The following EBF3 variants were observed in gnomAD, a reference collection of about 807,000 sequenced individuals.
The protein encoded by EBF3 is EBF transcription factor 3.
EBF3 carries 18 observed loss-of-function variants against 77.1 expected under a neutral mutation model. The observed-to-expected ratio is 0.23, with a 90% CI of 0.16 to 0.35. The LOEUF (loss-of-function observed/expected upper bound fraction) is 0.35, where lower values mean the gene tolerates loss of function less well. EBF3 is among the 10% of genes least tolerant of loss of function. The pLI is 1.00. For missense variants in EBF3, 558 were observed against 860.0 expected (o/e 0.65, Z 4.39); for synonymous variants, 350 against 343.5 (o/e 1.02, Z -0.21).
chr10:129,929,936 G>T (rs4751150), intron 6 of EBF3, among the ~76,000 whole-genome samples: 123,106 of 152,178 alleles, frequency 0.81, 50,253 homozygotes, highest in East Asian at 0.96. Flanking sequence ...GGTGTGAGTC[G>T]GAGCACACTG....
At chr10:129,838,995 C>G (rs1346149322) in intron 16 of EBF3, 88 bp downstream of exon 16, 19 of 1,215,196 alleles carry the variant, frequency 1.6e-5, no homozygotes, top group East Asian at 1.1e-4. Flanking sequence ...TGATGGCACG[C>G]AGGCCAGTCG....
At chr10:129,867,400 C>T in intron 9 of EBF3, 133 bp from the exon 10 acceptor site, 1 of 1,386,644 alleles carries the variant, frequency 7.2e-7, no homozygotes. Flanking sequence ...CTAGCTGTCA[C>T]CCAGAGTCCC....
chr10:129,958,754 G>C (rs1437286436), intron 5 of EBF3, among the ~76,000 whole-genome samples, 180 bp downstream of exon 5: 1 of 152,184 alleles, frequency 6.6e-6, no homozygotes, highest in Non-Finnish European at 1.5e-5. Context: ...GATCGTCAGC[G>C]CTGGGGGGAA....
chr10:129,936,465 T>C (rs142369344), intron 6 of EBF3, among the ~76,000 whole-genome samples: 2,330 of 152,302 alleles, frequency 0.015, 28 homozygotes, highest in Middle Eastern at 0.048. Flanking sequence ...GAAGTAGGGC[T>C]GGCCTGTCAG....
Position 129,843,214 on chromosome 10 carries a change from G to C in EBF3, c.1129-12C>G. 1 of 1,606,896 alleles carries C rather than the reference G, an allele frequency of 6.2e-7. No homozygotes were observed. On this transcript the variant is annotated splice_polypyrimidine_tract_variant and intron_variant, in intron 11 of 16. Coordinates refer to ENST00000440978, the MANE Select transcript of EBF3 (RefSeq NM_001375380.1). ...TTCAGTAACACCTCCTAAAGGAAGA[G>C]CAGACAGGAGGTGATTCATGGGAGG...
intron 6 of EBF3, among the ~76,000 whole-genome samples, chr10:129,922,705 C>T (rs756493965): frequency 6.6e-6 from 1 of 152,262 alleles, no homozygotes; most frequent in Admixed American, 6.5e-5. Flanking sequence ...GCAAACGAAC[C>T]CCTGCGTCAC....
At chr10:129,877,877 T>C in intron 6 of EBF3, 28 bp from the exon 7 acceptor site, 1 of 1,566,596 alleles carries the variant, frequency 6.4e-7, no homozygotes, top group East Asian at 2.3e-5. Context: ...AGATGATATT[T>C]ATTAGGGTTA....
At chr10:129,886,230 G>A (rs1266227833) in intron 6 of EBF3, among the ~76,000 whole-genome samples, 2 of 152,194 alleles carry the variant, frequency 1.3e-5, no homozygotes, top group East Asian at 3.9e-4. Flanking sequence ...GAGGACACCA[G>A]TGTTGGACCT....
At chr10:129,880,441 GCATACA>G (rs1853122636) in intron 6 of EBF3, among the ~76,000 whole-genome samples, 1 of 151,298 alleles carries the variant, frequency 6.6e-6, no homozygotes, top group Non-Finnish European at 1.5e-5. Flanking sequence ...ACACACACGC[GCATACA>G]CATACACATG....
intron 10 of EBF3, among the ~76,000 whole-genome samples, chr10:129,857,622 G>A (rs1851343749): frequency 1.3e-5 from 2 of 152,110 alleles, no homozygotes; most frequent in South Asian, 2.1e-4. Flanking sequence ...CTTCATTCCC[G>A]CAAGACCTCA....
In EBF3 at chr10:129,836,876, G is replaced by A. The variant is rs1849641772; in HGVS notation, c.*1067C>T. The stretch of plus-strand genomic sequence containing the variant: ...ATAAAGTCCCTTAGCAACTGCAAGT[G>A]TTCATGGGAAAGTAAGTGTCAAATG... On this transcript the variant is annotated 3_prime_UTR_variant, in exon 17 of 17. Transcript: ENST00000440978. The A allele has an allele frequency of 6.6e-6, 1 of 152,622 alleles. No homozygotes were observed. Among genetic ancestry groups the A allele is most frequent in the Non-Finnish European group, 1.5e-5 (1 of 68,026 alleles). 9.5% of individuals were successfully genotyped at this position (152,622 alleles called of 1,614,324 possible).
intron 6 of EBF3, among the ~76,000 whole-genome samples, chr10:129,933,626 C>T (rs1047267410): frequency 2.0e-5 from 3 of 152,208 alleles, no homozygotes; most frequent in Non-Finnish European, 2.9e-5. Context: ...GGCGGGTGCC[C>T]GTGCAAGAGG....
chr10:129,908,527 G>C (rs566333993), intron 6 of EBF3, among the ~76,000 whole-genome samples: 3 of 152,366 alleles, frequency 2.0e-5, no homozygotes, highest in African/African-American at 7.2e-5. Context: ...ACACGGGCTA[G>C]AGGAGACGGG....
At position 129,875,044 on chromosome 10, in the gene EBF3, C is replaced by T. The variant is rs568389768; in HGVS notation, c.637-1448G>A. Reference sequence around the variant, plus strand: ...AAATAATTAAACTAGTTACCTAATACAAAATGAATACAATTCATTGTATTC... The same window carrying T: ...AAATAATTAAACTAGTTACCTAATATAAAATGAATACAATTCATTGTATTC... On this transcript the variant is annotated intron_variant, in intron 7 of 16. Transcript: ENST00000440978. 4.6e-5 allele frequency among the ~76,000 whole-genome samples: 7 copies of T among 152,066 alleles called. No homozygotes were observed. In the South Asian group the frequency reaches 1.5e-3, roughly 32 times the overall value.
chr10:129,962,810 T>C (rs1486928443), intron 3 of EBF3, 132 bp downstream of exon 3: 4 of 1,050,542 alleles, frequency 3.8e-6, no homozygotes, highest in Non-Finnish European at 5.6e-6. Context: ...TGTTTTGTTT[T>C]CCTTCTATGC....
intron 11 of EBF3, among the ~76,000 whole-genome samples, chr10:129,845,128 C>G (rs1410854953): frequency 6.6e-6 from 1 of 152,128 alleles, no homozygotes; most frequent in African/African-American, 2.4e-5. Context: ...ACTAATGAAC[C>G]CGACTTTCTG....
intron 3 of EBF3, 110 bp from the exon 4 acceptor site, chr10:129,962,336 G>A (rs1441379698): frequency 6.3e-5 from 59 of 933,878 alleles, no homozygotes; most frequent in Non-Finnish European, 1.0e-4. Flanking sequence ...CGGTGATGCA[G>A]CAGAACTTAG....
Position 129,964,109 on chromosome 10 carries a change from T to A in EBF3, c.-341A>T, listed in dbSNP as rs1859751090. The A allele has an allele frequency of 1.0e-6, 1 of 985,062 alleles. No homozygotes were observed. The highest frequency in any genetic ancestry group is 4.7e-5 in the South Asian group (1 of 21,280). 61.0% of individuals were successfully genotyped at this position (985,062 alleles called of 1,614,324 possible). Reference sequence around the variant, plus strand: ...GGCGGCGTCCGCGGCTGCAGGACACTGCGGGATCGCCCGCTTCTGGCGCGG... The same window carrying A: ...GGCGGCGTCCGCGGCTGCAGGACACAGCGGGATCGCCCGCTTCTGGCGCGG... On this transcript the variant is annotated 5_prime_UTR_variant, in exon 1 of 17. Transcript: ENST00000440978. The surrounding 1 kb of genome is among the most constrained non-coding windows in gnomAD (Gnocchi z 4.5).
At chr10:129,877,317 C>T (rs1482863045) in intron 7 of EBF3, among the ~76,000 whole-genome samples, 4 of 151,812 alleles carry the variant, frequency 2.6e-5, no homozygotes, top group Non-Finnish European at 5.9e-5. Context: ...ATATTGAAAC[C>T]CCATCTCTAC....
Sources: allele counts gnomAD v4.1 joint callset (sites outside exome capture counted in the v4.1 genomes callset), GRCh38; gene constraint gnomAD v4.1.1; non-coding constraint Gnocchi (gnomAD v3.1); transcripts MANE v1.5; gene names NCBI Gene and HGNC (gene_info 2026-07-23, HGNC 2026-07-21).